GYPB: variants seen among roughly 807,000 people sequenced by gnomAD.
The protein encoded by GYPB is glycophorin B (MNS blood group).
Under a neutral mutation model 15.3 loss-of-function variants are expected in GYPB, and 13 were observed. The ratio of observed to expected loss-of-function variants is 0.85; its 90% CI spans 0.55 to 1.35. GYPB has a LOEUF of 1.35. GYPB is among the 40% of genes most tolerant of loss of function. GYPB has a pLI of 0.00. For missense variants in GYPB, 131 were observed against 108.3 expected (o/e 1.21, Z -0.93); for synonymous variants, 38 against 36.9 (o/e 1.03, Z -0.11).
intron 1 of GYPB, chr4:144,008,349 G>T (rs1728034138): frequency 4.4e-6 from 2 of 453,180 alleles, no homozygotes; most frequent in Non-Finnish European, 8.9e-6. Context: ...CTTCACTTCA[G>T]CAAATCAGGG....
chr4:144,001,375 C>T (rs1727619045), intron 1 of GYPB, 92 bp from the exon 2 acceptor site: 2 of 1,600,816 alleles, frequency 1.2e-6, no homozygotes, highest in Admixed American at 1.7e-5. Context: ...CTCTCACATC[C>T]CTCCAGTCCC....
chr4:143,997,565 G>T lies in GYPB; in HGVS notation c.245C>A (p.Ser82Tyr), dbSNP rs143289788. The T allele has an allele frequency of 2.5e-6, 4 of 1,594,166 alleles. No individual in the cohort carries two copies. Among genetic ancestry groups the T allele is most frequent in the Non-Finnish European group, 3.4e-6 (4 of 1,164,274 alleles). Residue 82 changes from serine to tyrosine, a missense_variant, in exon 4 of 5, where the codon TCT (serine) becomes TAT (tyrosine). Transcript: ENST00000502664. The part of the protein sequence containing the change: ...AGIIGTILLI[S>Y]YSIRRLIKA ...CTTTATCAGTCGGCGAATACTGTAAGAAATTAAGAGGATCGTTCCAATAAT... is the reference window on the plus strand; with the variant it reads ...CTTTATCAGTCGGCGAATACTGTAATAAATTAAGAGGATCGTTCCAATAAT...
chr4:144,013,521 A>G (rs1411181266), intron 1 of GYPB, among the ~76,000 whole-genome samples: 1 of 151,326 alleles, frequency 6.6e-6, no homozygotes, highest in Non-Finnish European at 1.5e-5. Context: ...AACCAACCCA[A>G]ATGTCCATCA....
At chr4:144,017,473 T>G (rs1728566843) in intron 1 of GYPB, among the ~76,000 whole-genome samples, 1 of 151,304 alleles carries the variant, frequency 6.6e-6, no homozygotes, top group South Asian at 2.1e-4. Flanking sequence ...AGAGTTTCCT[T>G]GGAGGGTTTC....
chr4:144,017,983 C>T (rs1190029486), intron 1 of GYPB, among the ~76,000 whole-genome samples: 4 of 151,110 alleles, frequency 2.6e-5, no homozygotes, highest in South Asian at 2.1e-4. Flanking sequence ...CAATCACATA[C>T]GTAGGTTTGT....
At chr4:144,004,318 T>G (rs1228839431) in intron 1 of GYPB, among the ~76,000 whole-genome samples, 1 of 152,050 alleles carries the variant, frequency 6.6e-6, no homozygotes, top group Middle Eastern at 3.4e-3. Context: ...TAGTTCATTT[T>G]TCTTCCATTT....
intron 1 of GYPB, among the ~76,000 whole-genome samples, chr4:144,017,062 C>T (rs1343761090): frequency 6.6e-6 from 1 of 150,604 alleles, no homozygotes; most frequent in Non-Finnish European, 1.5e-5. Context: ...TTATTATCTG[C>T]ATTCCCTCCC....
At chr4:144,016,065 C>T (rs1267524980) in intron 1 of GYPB, among the ~76,000 whole-genome samples, 1 of 138,378 alleles carries the variant, frequency 7.2e-6, no homozygotes. Context: ...CATGTATTCC[C>T]TGGCATACAG....
chr4:143,996,831 GGGT>G (rs1301961683), intron 4 of GYPB, among the ~76,000 whole-genome samples: 1 of 151,074 alleles, frequency 6.6e-6, no homozygotes, highest in Non-Finnish European at 1.5e-5. Flanking sequence ...AAGAATTCAT[GGGT>G]GGAAATTTGT....
Position 144,008,773 on chromosome 4 carries a change from T to C in GYPB, c.38-7490A>G, listed in dbSNP as rs369630822. ...GTACTTCCTTTCACTGGTTGAACAA[T>C]ACAAAATTGCAGAAATGAAACTAGT... On this transcript the variant is annotated intron_variant, in intron 1 of 4. Transcript: ENST00000502664. Among the ~76,000 whole-genome samples, 68 of 151,564 alleles carry C rather than the reference T, an allele frequency of 4.5e-4. 1 individual carries two copies. Among genetic ancestry groups the C allele is most frequent in the Middle Eastern group, 3.4e-3 (1 of 294 alleles).
rs539437092 is a variant in GYPB at position 144,003,778 on chromosome 4, G to A, written c.38-2495C>T. Among the ~76,000 whole-genome samples, 88 of 151,386 alleles carry A rather than the reference G, an allele frequency of 5.8e-4. 1 individual carries two copies. The highest frequency in any genetic ancestry group is 3.4e-3 in the Middle Eastern group (1 of 294). On this transcript the variant is annotated intron_variant, in intron 1 of 4. Transcript: ENST00000502664. ...GAGCACTTGGTGGAAATTTTGTACC[G>A]AAATGAAGGCTGAAACCCCAGAGAT...
chr4:143,995,485 C>T (rs1405936561), downstream of GYPB, among the ~76,000 whole-genome samples: 9 of 151,206 alleles, frequency 6.0e-5, no homozygotes, highest in Non-Finnish European at 2.9e-5. Context: ...AAACGTGCTG[C>T]ACATTGGGAC....
rs1341867150 is a variant in GYPB at position 144,001,244 on chromosome 4, G to C, written c.77C>G (p.Ala26Gly). Residue 26 changes from alanine to glycine, a missense_variant, in exon 2 of 5, where the codon GCA (alanine) becomes GGA (glycine). Coordinates refer to ENST00000502664, the MANE Select transcript of GYPB (RefSeq NM_002100.6). ...SISALSTTEV[A>G]MHTSTSSSVT... Reference sequence around the variant, plus strand: ...TGAAGAAGAGGTTGAAGTGTGCATTGCCACCTCAGTGGTACTTAATGCTGA... The same window carrying C: ...TGAAGAAGAGGTTGAAGTGTGCATTCCCACCTCAGTGGTACTTAATGCTGA... The C allele has an allele frequency of 6.2e-7, 1 of 1,612,842 alleles. No individual in the cohort carries two copies. The highest frequency in any genetic ancestry group is 8.5e-7 in the Non-Finnish European group (1 of 1,179,790).
At chr4:144,008,718 A>G (rs1403350784) in intron 1 of GYPB, among the ~76,000 whole-genome samples, 1 of 151,542 alleles carries the variant, frequency 6.6e-6, no homozygotes, top group Non-Finnish European at 1.5e-5. Context: ...TTGAAAAGAA[A>G]AACTTTATCC....
At chr4:144,008,391 C>T (rs1255330106) in intron 1 of GYPB, 1 of 455,268 alleles carries the variant, frequency 2.2e-6, no homozygotes, top group South Asian at 1.5e-5. Context: ...TAATAATTCA[C>T]CTTGTTTATA....
Position 144,002,652 on chromosome 4 carries a change from A to G in GYPB, c.38-1369T>C, listed in dbSNP as rs185719035. 427 of 1,286,032 alleles carry G rather than the reference A, an allele frequency of 3.3e-4. 19 individuals carry two copies. The African/African-American group carries it at 6.1e-3, about 18-fold the overall frequency. The allele number at this position is 1,286,032 out of a possible 1,614,324, so 79.7% of individuals were successfully genotyped here. A position where few individuals can be genotyped will look rare whatever the true frequency, so the allele number is the denominator to read the frequency against. ...AGTGGAGGTGGAAGGGCTTCTTCTC[A>G]GAGGCAGCCAACTTGGCCCCTCAGC... On this transcript the variant is annotated intron_variant, in intron 1 of 4. Coordinates refer to ENST00000502664, the MANE Select transcript of GYPB (RefSeq NM_002100.6).
At chr4:143,997,223 T>G (rs1259226325) in intron 4 of GYPB, 2 of 215,290 alleles carry the variant, frequency 9.3e-6, no homozygotes, top group Admixed American at 5.4e-5. Flanking sequence ...CACTAATAGG[T>G]TAAATACTAT....
At chr4:143,998,310 A>C (rs1195832134) in intron 3 of GYPB, among the ~76,000 whole-genome samples, 3 of 151,572 alleles carry the variant, frequency 2.0e-5, no homozygotes, top group African/African-American at 7.4e-5. Flanking sequence ...AGATATTTCC[A>C]TATTTATAGC....
intron 1 of GYPB, among the ~76,000 whole-genome samples, chr4:144,006,395 T>TC (rs1727918117): frequency 6.6e-6 from 1 of 151,952 alleles, no homozygotes; most frequent in African/African-American, 2.4e-5. Context: ...GTGGGGTGAC[T>TC]TGGGGGCCCA....
Sources: allele counts gnomAD v4.1 joint callset (sites outside exome capture counted in the v4.1 genomes callset), GRCh38; gene constraint gnomAD v4.1.1; transcripts MANE v1.5; gene names NCBI Gene and HGNC (gene_info 2026-07-23, HGNC 2026-07-21).